Variants in UBE3C observed in about 807,000 individuals in gnomAD.
UBE3C encodes ubiquitin protein ligase E3C.
In UBE3C, 42 loss-of-function variants were observed where a neutral mutation model predicts 129.4. That is an observed-to-expected ratio of 0.32 (90% confidence interval 0.25 to 0.42). UBE3C has a LOEUF of 0.42. Ranked by LOEUF, UBE3C falls within the 10% of genes least tolerant of loss-of-function variation. The pLI, the probability that UBE3C is intolerant of heterozygous loss-of-function variation, is 1.00. For missense variants in UBE3C, 1,049 were observed against 1,319.1 expected (o/e 0.80, Z 3.17); for synonymous variants, 510 against 492.4 (o/e 1.04, Z -0.47).
chr7:157,159,479 T>C (rs1292693314), intron 1 of UBE3C, among the ~76,000 whole-genome samples: 6 of 152,186 alleles, frequency 3.9e-5, no homozygotes, highest in African/African-American at 1.4e-4. Context: ...GATCAGACTG[T>C]GGATGGTTTC....
chr7:157,216,406 T>C (rs1478261687), intron 13 of UBE3C, among the ~76,000 whole-genome samples: 1 of 151,686 alleles, frequency 6.6e-6, no homozygotes, highest in Non-Finnish European at 1.5e-5. Context: ...TTTTGTTACA[T>C]AGATAAACAT....
intron 13 of UBE3C, among the ~76,000 whole-genome samples, chr7:157,213,605 T>TG (rs1809656360): frequency 6.6e-6 from 1 of 152,234 alleles, no homozygotes; most frequent in Non-Finnish European, 1.5e-5. Flanking sequence ...AAAGTGAATG[T>TG]GGAAAAAAGG....
chr7:157,267,138 T>C (rs1390535479), intron 22 of UBE3C, among the ~76,000 whole-genome samples: 2 of 152,062 alleles, frequency 1.3e-5, no homozygotes, highest in African/African-American at 4.8e-5. Context: ...AAAAAGCAAA[T>C]GTGGGCCAGG....
chr7:157,169,442 C>T (rs1808305820), intron 3 of UBE3C, among the ~76,000 whole-genome samples: 1 of 150,674 alleles, frequency 6.6e-6, no homozygotes, highest in Non-Finnish European at 1.5e-5. Flanking sequence ...GTGGCATGAT[C>T]TCGGCTCACT....
At chr7:157,148,638 A>G (rs1807671806) in intron 1 of UBE3C, among the ~76,000 whole-genome samples, 1 of 152,156 alleles carries the variant, frequency 6.6e-6, no homozygotes, top group African/African-American at 2.4e-5. Context: ...TGATAGTATA[A>G]TGCTCCATAT....
At chr7:157,220,967 C>T in intron 15 of UBE3C, 191 bp downstream of exon 15, 3 of 558,662 alleles carry the variant, frequency 5.4e-6, no homozygotes, top group Non-Finnish European at 9.4e-6. Context: ...TCTTCAGCAG[C>T]CACCCATTTC....
intron 10 of UBE3C, among the ~76,000 whole-genome samples, chr7:157,195,821 A>G (rs1383190807): frequency 1.3e-5 from 2 of 152,108 alleles, no homozygotes; most frequent in Non-Finnish European, 2.9e-5. Context: ...GAGTGACGTA[A>G]ATTTATTTGT....
chr7:157,150,908 C>T (rs1326559766), intron 1 of UBE3C, among the ~76,000 whole-genome samples: 3 of 152,214 alleles, frequency 2.0e-5, no homozygotes, highest in African/African-American at 4.8e-5. Flanking sequence ...TCTACTTCTG[C>T]GCTGGCCTGT....
chr7:157,186,781 G>C (rs1372557247), intron 9 of UBE3C, 53 bp from the exon 10 acceptor site: 8 of 1,594,996 alleles, frequency 5.0e-6, no homozygotes, highest in Non-Finnish European at 6.9e-6. Context: ...GTAGTGTAGA[G>C]GACGTTCCAG....
At chr7:157,196,661 ATCT>A (rs1809128049) in intron 10 of UBE3C, among the ~76,000 whole-genome samples, 1 of 152,186 alleles carries the variant, frequency 6.6e-6, no homozygotes, top group African/African-American at 2.4e-5. Flanking sequence ...TGTTTATCAT[ATCT>A]TCTTAAGAAT....
At chr7:157,173,566 T>C (rs1808437608) in intron 4 of UBE3C, among the ~76,000 whole-genome samples, 1 of 152,228 alleles carries the variant, frequency 6.6e-6, no homozygotes, top group South Asian at 2.1e-4. Context: ...TAAAAAATTT[T>C]TCTTACGACT....
At chr7:157,229,705 G>A (rs1272167466) in intron 17 of UBE3C, among the ~76,000 whole-genome samples, 5 of 152,222 alleles carry the variant, frequency 3.3e-5, no homozygotes, top group Non-Finnish European at 5.9e-5. Flanking sequence ...ATAGCTCACT[G>A]CAGCCTCAAA....
chr7:157,194,333 C>T (rs571878584), intron 10 of UBE3C, among the ~76,000 whole-genome samples: 32 of 152,102 alleles, frequency 2.1e-4, no homozygotes, highest in Non-Finnish European at 4.1e-4. Flanking sequence ...TGGTAGCACT[C>T]CTGGTATGAA....
At chr7:157,192,674 G>T in intron 10 of UBE3C, 6 of 771,282 alleles carry the variant, frequency 7.8e-6, no homozygotes, top group Non-Finnish European at 1.4e-5. Context: ...CTGTCCTGAA[G>T]TATTAGAAGG....
In UBE3C at chr7:157,223,264, G is replaced by A; in HGVS notation, c.2013G>A (p.Glu671=). The change falls in exon 16 of 23, where the codon GAG becomes GAA. Residue 671 remains glutamate (E), a synonymous_variant. Coordinates refer to ENST00000348165, the MANE Select transcript of UBE3C (RefSeq NM_014671.3). ...TAAAATGTGTTTTAGTGGGTTTGGA[G>A]TCCCCGCCGCTGTCTGTGTCTGAGG... ...PLQSTLDVGL[E]SPPLSVSEER... 1 of 1,614,162 alleles carries A rather than the reference G, an allele frequency of 6.2e-7. No homozygotes were observed. Among genetic ancestry groups the A allele is most frequent in the South Asian group, 1.1e-5 (1 of 91,076 alleles).
At chr7:157,143,582 C>G (rs760184769) in intron 1 of UBE3C, among the ~76,000 whole-genome samples, 3 of 152,110 alleles carry the variant, frequency 2.0e-5, no homozygotes, top group Non-Finnish European at 4.4e-5. Context: ...TCATAATTAC[C>G]AGTTTTCAGG....
chr7:157,165,114 G>C (rs1808178447), intron 2 of UBE3C, among the ~76,000 whole-genome samples: 1 of 152,150 alleles, frequency 6.6e-6, no homozygotes, highest in South Asian at 2.1e-4. Context: ...AAATGTCCCA[G>C]GGAGGGCACT....
At chr7:157,187,046 CA>C (rs759806506) in intron 10 of UBE3C, 25 bp downstream of exon 10, 20 of 1,561,676 alleles carry the variant, frequency 1.3e-5, no homozygotes, top group Non-Finnish European at 4.3e-6. Context: ...GCGTCTGTGC[CA>C]GGGGGTGCCA....
chr7:157,196,840 A>G (rs966431926), intron 10 of UBE3C, among the ~76,000 whole-genome samples: 2 of 152,116 alleles, frequency 1.3e-5, no homozygotes, highest in Admixed American at 6.6e-5. Context: ...GTGGTGGTGC[A>G]TGCCTGTAAT....
Sources: allele counts gnomAD v4.1 joint callset (sites outside exome capture counted in the v4.1 genomes callset), GRCh38; gene constraint gnomAD v4.1.1; transcripts MANE v1.5; gene names NCBI Gene and HGNC (gene_info 2026-07-23, HGNC 2026-07-21).